Variants in GALNT15 observed in about 807,000 individuals in gnomAD.
GALNT15 encodes polypeptide N-acetylgalactosaminyltransferase 15, also known as UDP-GalNAc transferase T15.
A neutral mutation model predicts 66.8 loss-of-function variants in GALNT15; 67 were observed. That is an observed-to-expected ratio of 1.00 (90% confidence interval 0.82 to 1.23). The LOEUF (loss-of-function observed/expected upper bound fraction) is 1.23. GALNT15 is among the 50% of genes most tolerant of loss of function. The pLI, the probability that GALNT15 is intolerant of heterozygous loss-of-function variation, is 0.00. For synonymous variants in GALNT15, 313 were observed against 311.5 expected (o/e 1.00, Z -0.05); for missense variants, 827 against 804.3 (o/e 1.03, Z -0.34).
chr3:16,232,465 AAT>A (rs1250228729), downstream of GALNT15, among the ~76,000 whole-genome samples: 1 of 28,634 alleles, frequency 3.5e-5, no homozygotes, highest in African/African-American at 1.1e-4. Flanking sequence ...TAAATAAATA[AAT>A]AAATATATAT....
intron 6 of GALNT15, among the ~76,000 whole-genome samples, chr3:16,216,646 G>T (rs2063881836): frequency 6.6e-6 from 1 of 152,356 alleles, no homozygotes; most frequent in South Asian, 2.1e-4. Context: ...CTGGGGGCTT[G>T]TGTCCCTTTT....
chr3:16,206,010 A>T (rs2063752717), intron 3 of GALNT15, among the ~76,000 whole-genome samples: 1 of 152,214 alleles, frequency 6.6e-6, no homozygotes, highest in Non-Finnish European at 1.5e-5. Context: ...GAAAGACAAA[A>T]CAAAAAGAGA....
rs1443078484 is a variant in GALNT15 at position 16,189,107 on chromosome 3, CAAAGCCACT to C, written c.540-6652_540-6644del. On this transcript the variant is annotated intron_variant, in intron 1 of 9. Coordinates refer to ENST00000339732, the MANE Select transcript of GALNT15 (RefSeq NM_054110.5). The surrounding 1 kb of genome is among the most constrained non-coding windows in gnomAD (Gnocchi z 5.1). The stretch of plus-strand genomic sequence containing the variant: ...AACAACAACAAAAAAAGGAAGCCAC[CAAAGCCACT>C]GGATGAGCAAGAAGATTGGAGAGCT... 6.6e-6 allele frequency among the ~76,000 whole-genome samples: 1 copy of C among 152,150 alleles called. No individual in the cohort carries two copies. Among genetic ancestry groups the C allele is most frequent in the Non-Finnish European group, 1.5e-5 (1 of 68,024 alleles).
chr3:16,230,540 C>G (rs2064071704), downstream of GALNT15, among the ~76,000 whole-genome samples: 1 of 145,050 alleles, frequency 6.9e-6, no homozygotes, highest in African/African-American at 2.6e-5. This position sits in a 1 kb window ranked among gnomAD's most constrained non-coding sequence, Gnocchi z 4.5. Flanking sequence ...CAAATTTGGA[C>G]AAACAAAATG....
chr3:16,201,458 GGCGTGAGCC>G (rs2063702707), intron 3 of GALNT15, among the ~76,000 whole-genome samples: 2 of 152,274 alleles, frequency 1.3e-5, no homozygotes, highest in East Asian at 3.9e-4. Flanking sequence ...TGGGATTACA[GGCGTGAGCC>G]ACCGCGCCTG....
chr3:16,243,114 G>A, the GALNT15 span, among the ~76,000 whole-genome samples: 2 of 152,196 alleles, frequency 1.3e-5, no homozygotes, highest in African/African-American at 4.8e-5. Context: ...TTGGTTGAGG[G>A]TTACACCCGG....
Position 16,208,554 on chromosome 3 carries a change from G to A in GALNT15, c.963G>A (p.Gln321=). Residue 321 remains glutamine (Q), a synonymous_variant, in exon 4 of 10, where the codon CAG becomes CAA. Transcript: ENST00000339732. ...VIDVIDWKTF[Q]YYPSKDLQRG... is the part of the protein sequence containing the mutation. ...ATGTGATTGACTGGAAGACTTTCCA[G>A]TATTACCCCTCAAAGGACCTGCAGC... The A allele has an allele frequency of 1.2e-6, 2 of 1,614,154 alleles. No individual in the cohort carries two copies. Among genetic ancestry groups the A allele is most frequent in the Non-Finnish European group, 1.7e-6 (2 of 1,180,024 alleles).
At position 16,200,373 on chromosome 3, in the gene GALNT15, A is replaced by T. The variant is rs1454758803; in HGVS notation, c.707-246A>T. Among the ~76,000 whole-genome samples, 2 of 152,210 alleles carry T rather than the reference A, an allele frequency of 1.3e-5. No individual in the cohort carries two copies. Among genetic ancestry groups the T allele is most frequent in the African/African-American group, 4.8e-5 (2 of 41,450 alleles). On this transcript the variant is annotated intron_variant, in intron 2 of 9. Coordinates refer to ENST00000339732, the MANE Select transcript of GALNT15 (RefSeq NM_054110.5). This position sits in a 1 kb window ranked among gnomAD's most constrained non-coding sequence, Gnocchi z 4.4. Reference sequence around the variant, plus strand: ...CTGCTGCATTTGGAGAATGTTAGCAAGTTCTCCCCTTTCCTGGTTTTCTGA... The same window carrying T: ...CTGCTGCATTTGGAGAATGTTAGCATGTTCTCCCCTTTCCTGGTTTTCTGA...
In GALNT15 at chr3:16,189,084, C is replaced by T. The variant is rs1450060755; in HGVS notation, c.540-6676C>T. ...GGGAAGTCATCCTGCATTTTAACAA[C>T]AACAACAAAAAAAGGAAGCCACCAA... On this transcript the variant is annotated intron_variant, in intron 1 of 9. Transcript: ENST00000339732. The surrounding 1 kb of genome is among the most constrained non-coding windows in gnomAD (Gnocchi z 5.1). 6.6e-6 allele frequency among the ~76,000 whole-genome samples: 1 copy of T among 152,050 alleles called. No individual in the cohort carries two copies. The highest frequency in any genetic ancestry group is 1.5e-5 in the Non-Finnish European group (1 of 67,984).
chr3:16,190,843 A>C (rs557096945), intron 1 of GALNT15, among the ~76,000 whole-genome samples: 77 of 152,170 alleles, frequency 5.1e-4, no homozygotes, highest in African/African-American at 1.7e-3. Flanking sequence ...ACACCAGATT[A>C]TTTCCACGGT....
rs192528351 is a variant in GALNT15, at chr3:16,224,406, C to T, written c.1773+1648C>T. ...CATTATGCTGGTGAAATAAACCCAT[C>T]ACAAAAGGACAAAAACTGTATGATT... is the stretch of plus-strand genomic sequence containing the variant. On this transcript the variant is annotated intron_variant, in intron 9 of 9. Coordinates refer to ENST00000339732, the MANE Select transcript of GALNT15 (RefSeq NM_054110.5). This position sits in a 1 kb window ranked among gnomAD's most constrained non-coding sequence, Gnocchi z 5.2. 6.6e-6 allele frequency among the ~76,000 whole-genome samples: 1 copy of T among 152,224 alleles called. No homozygotes were observed. Among genetic ancestry groups the T allele is most frequent in the East Asian group, 1.9e-4 (1 of 5,182 alleles).
intron 8 of GALNT15, 122 bp from the exon 9 acceptor site, chr3:16,222,493 C>A (rs1458483353): frequency 3.3e-6 from 4 of 1,208,438 alleles, no homozygotes; most frequent in East Asian, 2.4e-5. Context: ...GTCTTTCTGA[C>A]CCCGATAGAA....
rs1490714904 is a variant in GALNT15, at chr3:16,211,864, T to C, written c.1197+623T>C. Among the ~76,000 whole-genome samples, 2 of 152,234 alleles carry C rather than the reference T, an allele frequency of 1.3e-5. No homozygotes were observed. Among genetic ancestry groups the C allele is most frequent in the Non-Finnish European group, 2.9e-5 (2 of 68,042 alleles). On this transcript the variant is annotated intron_variant, in intron 5 of 9. Coordinates refer to ENST00000339732, the MANE Select transcript of GALNT15 (RefSeq NM_054110.5). The surrounding 1 kb of genome is among the most constrained non-coding windows in gnomAD (Gnocchi z 4.3). ...TGTATTCTGCATGAAGTCCAACAGA[T>C]GTCACCGTGTTTCTCTCAAAAATTT...
rs1307088987 is a variant in GALNT15, at chr3:16,193,670, C to T, written c.540-2090C>T. Among the ~76,000 whole-genome samples the T allele has an allele frequency of 6.6e-6, 1 of 152,156 alleles. No individual in the cohort carries two copies. The highest frequency in any genetic ancestry group is 2.4e-5 in the African/African-American group (1 of 41,426). ...CAAGCTAGGGAGCAGCAAGAGTTGG[C>T]ACATCTTAGAAGGTGTTTCCCTCAG... On this transcript the variant is annotated intron_variant, in intron 1 of 9. Transcript: ENST00000339732. The surrounding 1 kb of genome is among the most constrained non-coding windows in gnomAD (Gnocchi z 4.7).
intron 1 of GALNT15, among the ~76,000 whole-genome samples, chr3:16,179,029 T>A (rs1189724512): frequency 6.6e-6 from 1 of 152,234 alleles, no homozygotes; most frequent in Non-Finnish European, 1.5e-5. Flanking sequence ...TTAGAGTCAT[T>A]TCTGGAGGTC....
At chr3:16,233,094 C>CTTTTTTTTTTTTTTGTTTTTTTTTTT (rs2064099893), downstream of GALNT15, among the ~76,000 whole-genome samples, 1 of 61,208 alleles carries the variant, frequency 1.6e-5, no homozygotes, top group Non-Finnish European at 3.0e-5. Context: ...GATAATGCAT[C>CTTTTTTTTTTTTTTGTTTTTTTTTTT]TTTTTTTTTT....
intron 3 of GALNT15, among the ~76,000 whole-genome samples, chr3:16,201,248 C>A (rs535114592): frequency 7.2e-5 from 11 of 152,150 alleles, no homozygotes; most frequent in African/African-American, 2.7e-4. Flanking sequence ...GCGGGGCGAT[C>A]TCGGCTCACT....
In GALNT15 at chr3:16,228,911, C is replaced by A; in HGVS notation, c.*1411C>A. ...TGAGTGTGGGAAGAACACGGCTCAT[C>A]TGGAGCACAGCTGAGGCTAGTAAGA... On this transcript the variant is annotated 3_prime_UTR_variant, in exon 10 of 10. Transcript: ENST00000339732. The A allele has an allele frequency of 6.1e-6, 6 of 985,452 alleles. No homozygotes were observed. Among genetic ancestry groups the A allele is most frequent in the Non-Finnish European group, 7.2e-6 (6 of 829,956 alleles). The allele number at this position is 985,452 out of a possible 1,614,324, so 61.0% of individuals were successfully genotyped here.
intron 2 of GALNT15, among the ~76,000 whole-genome samples, chr3:16,197,556 G>A (rs6799256): frequency 0.19 from 28,646 of 152,060 alleles, 3,739 homozygotes; most frequent in African/African-American, 0.37. Context: ...TACTCTACCT[G>A]TGAGGAAAAC....
Sources: gnomAD v4.1 joint callset for allele counts (sites outside exome capture counted in the v4.1 genomes callset) on GRCh38, gnomAD v4.1.1 for gene constraint, Gnocchi (gnomAD v3.1) non-coding constraint, MANE v1.5 for transcripts, NCBI Gene and HGNC (gene_info 2026-07-23, HGNC 2026-07-21) for gene names.